Variants in PDE1A observed in about 807,000 individuals in gnomAD.
PDE1A encodes the protein dual specificity calcium/calmodulin-dependent 3',5'-cyclic nucleotide phosphodiesterase 1A.
In PDE1A, 35 loss-of-function variants were observed where a neutral mutation model predicts 61.7. The observed-to-expected ratio is 0.57, with a 90% CI of 0.43 to 0.75. The LOEUF is 0.75. Ranked by LOEUF, PDE1A falls within the 30% of genes least tolerant of loss-of-function variation. PDE1A has a pLI of 0.00. For synonymous variants in PDE1A, 232 were observed against 213.2 expected (o/e 1.09, Z -0.77); for missense variants, 597 against 630.6 (o/e 0.95, Z 0.57).
chr2:182,411,230 G>C (rs764967531), intron 1 of PDE1A, among the ~76,000 whole-genome samples: 1 of 151,994 alleles, frequency 6.6e-6, no homozygotes, highest in Non-Finnish European at 1.5e-5. Flanking sequence ...TACTATATTA[G>C]TGTTGTCTGT....
At chr2:182,456,028 T>C (rs944416658) in intron 2 of PDE1A, among the ~76,000 whole-genome samples, 1 of 152,090 alleles carries the variant, frequency 6.6e-6, no homozygotes. Context: ...ATGCATTTAT[T>C]CAAATTAACT....
At chr2:182,654,078 T>A in the PDE1A span, among the ~76,000 whole-genome samples, 1 of 152,224 alleles carries the variant, frequency 6.6e-6, no homozygotes, top group African/African-American at 2.4e-5. Flanking sequence ...AAATAGTGAC[T>A]GTATACTACT....
chr2:182,194,292 TTCTTA>T (rs1182238458), intron 10 of PDE1A, among the ~76,000 whole-genome samples: 1 of 152,192 alleles, frequency 6.6e-6, no homozygotes, highest in Non-Finnish European at 1.5e-5. Context: ...CTGCATTGAC[TTCTTA>T]TCTTGCCAAC....
intron 1 of PDE1A, among the ~76,000 whole-genome samples, chr2:182,272,558 T>G (rs534684044): frequency 1.9e-4 from 29 of 152,262 alleles, no homozygotes; most frequent in African/African-American, 7.0e-4. Context: ...GAGATGCATT[T>G]GACCAGTACA....
chr2:182,546,190 C>G, the PDE1A span, among the ~76,000 whole-genome samples: 1 of 152,134 alleles, frequency 6.6e-6, no homozygotes, highest in Admixed American at 6.5e-5. Flanking sequence ...CAAGAAGAAG[C>G]AGGAGAGAAG....
the PDE1A span, among the ~76,000 whole-genome samples, chr2:182,566,342 C>T: frequency 2.0e-5 from 3 of 151,884 alleles, no homozygotes; most frequent in Non-Finnish European, 4.4e-5. Flanking sequence ...AGTTATATTT[C>T]ATATAAAACT....
At chr2:182,496,544 T>C (rs1278086923) in intron 2 of PDE1A, among the ~76,000 whole-genome samples, 1 of 152,250 alleles carries the variant, frequency 6.6e-6, no homozygotes, top group Admixed American at 6.5e-5. Flanking sequence ...CTAAAATCTA[T>C]ATCCCTGGGC....
At chr2:182,195,003 C>G (rs936802985) in intron 10 of PDE1A, among the ~76,000 whole-genome samples, 2 of 151,576 alleles carry the variant, frequency 1.3e-5, no homozygotes, top group African/African-American at 4.9e-5. Context: ...GAATTTCTAT[C>G]CAGGCTCTAA....
chr2:182,169,299 A>G (rs1464435474), intron 13 of PDE1A, among the ~76,000 whole-genome samples: 1 of 152,108 alleles, frequency 6.6e-6, no homozygotes, highest in Admixed American at 6.6e-5. Context: ...ATTGAAAAAA[A>G]CATACTGAAA....
chr2:182,484,981 G>A (rs1489962055), intron 2 of PDE1A, among the ~76,000 whole-genome samples: 2 of 151,942 alleles, frequency 1.3e-5, no homozygotes, highest in Non-Finnish European at 2.9e-5. Flanking sequence ...ACTAAAAGCA[G>A]GCTTACCATT....
At chr2:182,636,475 G>T in the PDE1A span, among the ~76,000 whole-genome samples, 1 of 152,036 alleles carries the variant, frequency 6.6e-6, no homozygotes, top group African/African-American at 2.4e-5. Context: ...GATAAAATAT[G>T]ATTTAAATCA....
chr2:182,532,945 C>CAAAAAAAAAAA, the PDE1A span, among the ~76,000 whole-genome samples: 45 of 21,176 alleles, frequency 2.1e-3, 10 homozygotes, highest in East Asian at 6.5e-3. Flanking sequence ...GACTCCGTCT[C>CAAAAAAAAAAA]AAAAAAAAAA....
intron 2 of PDE1A, among the ~76,000 whole-genome samples, chr2:182,252,058 A>G (rs1230050355): frequency 6.6e-6 from 1 of 152,198 alleles, no homozygotes; most frequent in Non-Finnish European, 1.5e-5. Context: ...CAGAATAGCA[A>G]AATAAGTATC....
At chr2:182,311,321 T>C (rs566540489) in intron 1 of PDE1A, among the ~76,000 whole-genome samples, 4 of 152,366 alleles carry the variant, frequency 2.6e-5, no homozygotes, top group South Asian at 4.1e-4. Context: ...TACTGTTTCA[T>C]GTGCATAAAT....
At chr2:182,356,019 T>A (rs1206270965) in intron 1 of PDE1A, among the ~76,000 whole-genome samples, 2 of 152,218 alleles carry the variant, frequency 1.3e-5, no homozygotes, top group African/African-American at 4.8e-5. Flanking sequence ...GTTGCACAAC[T>A]TTCAGGCAGC....
At chr2:182,587,872 A>G in the PDE1A span, among the ~76,000 whole-genome samples, 5 of 152,236 alleles carry the variant, frequency 3.3e-5, no homozygotes, top group Admixed American at 6.5e-5. Flanking sequence ...TTTGTTTAAT[A>G]TACCACACAA....
the PDE1A span, among the ~76,000 whole-genome samples, chr2:182,665,450 C>A: frequency 1.3e-5 from 2 of 152,152 alleles, no homozygotes; most frequent in East Asian, 3.9e-4. Context: ...ATGTGGCCAA[C>A]AACCATATGA....
the PDE1A span, among the ~76,000 whole-genome samples, chr2:182,598,082 C>G: frequency 6.6e-6 from 1 of 152,156 alleles, no homozygotes; most frequent in Non-Finnish European, 1.5e-5. Context: ...TTATCAGGCT[C>G]CCTAAAGACC....
intron 13 of PDE1A, among the ~76,000 whole-genome samples, chr2:182,159,520 C>T (rs568264780): frequency 5.9e-5 from 9 of 152,294 alleles, no homozygotes; most frequent in Non-Finnish European, 7.4e-5. Flanking sequence ...TGATGGACAG[C>T]GCCATTGCAT....
Sources: allele counts gnomAD v4.1 joint callset (sites outside exome capture counted in the v4.1 genomes callset), GRCh38; gene constraint gnomAD v4.1.1; transcripts MANE v1.5; gene names NCBI Gene and HGNC (gene_info 2026-07-23, HGNC 2026-07-21).